Variants in PAK1 observed in about 807,000 individuals in gnomAD.
PAK1 encodes p21 (RAC1) activated kinase 1.
PAK1 carries 29 observed loss-of-function variants against 67.4 expected under a neutral mutation model. The observed-to-expected ratio is 0.43, with a 90% CI of 0.32 to 0.59. The LOEUF (loss-of-function observed/expected upper bound fraction) is 0.59, where lower values mean the gene tolerates loss of function less well. PAK1 is among the 20% of genes least tolerant of loss of function. The pLI is 0.07. For synonymous variants in PAK1, 223 were observed against 237.4 expected (o/e 0.94, Z 0.56); for missense variants, 337 against 670.7 (o/e 0.50, Z 5.50).
chr11:77,357,867 CT>C (rs1946246954), intron 6 of PAK1, among the ~76,000 whole-genome samples: 1 of 151,934 alleles, frequency 6.6e-6, no homozygotes, highest in Admixed American at 6.6e-5. Flanking sequence ...ATTTCCTCTA[CT>C]TTTTGAGGTG....
chr11:77,380,537 G>A (rs994808130), intron 2 of PAK1, among the ~76,000 whole-genome samples: 4 of 152,186 alleles, frequency 2.6e-5, no homozygotes, highest in South Asian at 4.1e-4. Context: ...CAAAAAGATC[G>A]TCTGTCAGAG....
the PAK1 span, among the ~76,000 whole-genome samples, chr11:77,496,738 G>T: frequency 7.2e-5 from 11 of 152,192 alleles, no homozygotes; most frequent in Non-Finnish European, 1.3e-4. Context: ...TTTGAGACCA[G>T]CCTGGCCAAT....
intron 11 of PAK1, among the ~76,000 whole-genome samples, chr11:77,337,982 G>C (rs909544957): frequency 3.9e-5 from 6 of 152,140 alleles, no homozygotes; most frequent in Non-Finnish European, 7.4e-5. Flanking sequence ...AGTCATTTGG[G>C]AAGAGATGAT....
upstream of PAK1, chr11:77,475,315 C>T (rs1958043180): frequency 6.6e-6 from 1 of 152,222 alleles, no homozygotes; most frequent in Non-Finnish European, 1.5e-5. Flanking sequence ...TCTTCTACTA[C>T]CACCACCTGA....
intron 14 of PAK1, among the ~76,000 whole-genome samples, chr11:77,324,752 C>CAT (rs1555136268): frequency 8.2e-6 from 1 of 121,630 alleles, no homozygotes; most frequent in Non-Finnish European, 1.6e-5. Flanking sequence ...TATATGTATA[C>CAT]ACACACACAC....
intron 4 of PAK1, among the ~76,000 whole-genome samples, chr11:77,377,754 C>A (rs372773621): frequency 4.3e-4 from 65 of 152,254 alleles, no homozygotes; most frequent in African/African-American, 1.6e-3. Context: ...AAAGACTTGG[C>A]CACTGAGGTT....
chr11:77,422,259 A>T (rs562000748), intron 1 of PAK1, among the ~76,000 whole-genome samples: 21 of 152,270 alleles, frequency 1.4e-4, no homozygotes, highest in Admixed American at 1.4e-3. Context: ...TCTTAAAACC[A>T]TATTAAAAAG....
the PAK1 span, among the ~76,000 whole-genome samples, chr11:77,480,819 C>A: frequency 6.6e-6 from 1 of 152,142 alleles, no homozygotes; most frequent in Non-Finnish European, 1.5e-5. Context: ...CCACCACACC[C>A]AGCCTAAATA....
At chr11:77,416,775 A>G (rs1954981625) in intron 1 of PAK1, among the ~76,000 whole-genome samples, 1 of 152,138 alleles carries the variant, frequency 6.6e-6, no homozygotes, top group Admixed American at 6.6e-5. Context: ...AACACAGTGA[A>G]ACCCCGTCTC....
chr11:77,360,750 T>A (rs1435409096), intron 5 of PAK1, among the ~76,000 whole-genome samples: 1 of 152,186 alleles, frequency 6.6e-6, no homozygotes, highest in Non-Finnish European at 1.5e-5. Context: ...GATTTTTACT[T>A]CTTAGCCCTG....
At chr11:77,512,760 T>C in the PAK1 span, among the ~76,000 whole-genome samples, 11 of 152,166 alleles carry the variant, frequency 7.2e-5, no homozygotes, top group Non-Finnish European at 1.5e-4. Context: ...TCATCATCCT[T>C]CCAAGGTGTA....
chr11:77,431,721 A>C (rs1357519982), intron 1 of PAK1, among the ~76,000 whole-genome samples: 1 of 152,212 alleles, frequency 6.6e-6, no homozygotes, highest in African/African-American at 2.4e-5. Context: ...GACCTAAGTG[A>C]AGAAGCCCCA....
Position 77,399,876 on chromosome 11 carries a change from AAAAAAAAAAAG to A in PAK1, c.-21-7346_-21-7336del, listed in dbSNP as rs1952415915. On this transcript the variant is annotated intron_variant, in intron 1 of 14. Transcript: ENST00000356341. ...TCCGTCTCAAAAAAAAAAAAAAAAA[AAAAAAAAAAAG>A]AAATAAGATTAACAGGGTTATAACA... Among the ~76,000 whole-genome samples, 3 of 149,672 alleles carry A rather than the reference AAAAAAAAAAAG, an allele frequency of 2.0e-5. 1 individual carries two copies. The highest frequency in any genetic ancestry group is 1.5e-5 in the Non-Finnish European group (1 of 67,360).
chr11:77,325,428 A>C, intron 14 of PAK1: 2 of 1,588,216 alleles, frequency 1.3e-6, no homozygotes, highest in Non-Finnish European at 8.6e-7. Flanking sequence ...GTAAAGGACA[A>C]TATATAAAGT....
rs573087559 is a variant in PAK1 at position 77,457,484 on chromosome 11, G to A, written c.-22+16068C>T. 5.9e-5 allele frequency among the ~76,000 whole-genome samples: 9 copies of A among 152,280 alleles called. 1 individual carries two copies. Among genetic ancestry groups the A allele is most frequent in the African/African-American group, 2.2e-4 (9 of 41,560 alleles). ...TGGCTGGGACCGTGTGCTTCCATGG[G>A]TTCATTAAGGGGCGCATTAGCATTA... On this transcript the variant is annotated intron_variant, in intron 1 of 14. Transcript: ENST00000356341.
intron 1 of PAK1, among the ~76,000 whole-genome samples, chr11:77,396,058 C>T (rs1951789710): frequency 6.6e-6 from 1 of 152,196 alleles, no homozygotes; most frequent in East Asian, 1.9e-4. Context: ...TTGAATGTAA[C>T]TCCATTTCAG....
At chr11:77,522,000 G>T in the PAK1 span, among the ~76,000 whole-genome samples, 9 of 152,178 alleles carry the variant, frequency 5.9e-5, no homozygotes, top group Non-Finnish European at 1.2e-4. Context: ...TCACTCTCTA[G>T]TCCTCATTTT....
intron 1 of PAK1, among the ~76,000 whole-genome samples, chr11:77,458,883 G>C (rs1233410295): frequency 6.6e-6 from 1 of 152,166 alleles, no homozygotes. Context: ...GCCAGGCACT[G>C]ATCAAGATAC....
intron 1 of PAK1, among the ~76,000 whole-genome samples, chr11:77,430,502 G>A (rs1279734028): frequency 1.3e-5 from 2 of 152,228 alleles, no homozygotes; most frequent in Non-Finnish European, 2.9e-5. Context: ...GGGACAAGCT[G>A]TAGCTGTCAA....
Sources: gnomAD v4.1 joint callset for allele counts (sites outside exome capture counted in the v4.1 genomes callset) on GRCh38, gnomAD v4.1.1 for gene constraint, MANE v1.5 for transcripts, NCBI Gene and HGNC (gene_info 2026-07-23, HGNC 2026-07-21) for gene names.